The following CDC73 variants were observed in gnomAD, a reference collection of about 807,000 sequenced individuals.
CDC73 encodes the protein parafibromin.
A neutral mutation model predicts 83.7 loss-of-function variants in CDC73; 21 were observed. That is an observed-to-expected ratio of 0.25 (90% confidence interval 0.18 to 0.36). The LOEUF (loss-of-function observed/expected upper bound fraction) is 0.36, where lower values mean the gene tolerates loss of function less well. Ranked by LOEUF, CDC73 falls within the 10% of genes least tolerant of loss-of-function variation. CDC73 has a pLI of 1.00. For synonymous variants in CDC73, 224 were observed against 212.9 expected, an observed-to-expected ratio of 1.05 and a Z score of -0.45; for missense variants, 342 against 653.3, an observed-to-expected ratio of 0.52 and a Z score of 5.19.
At chr1:193,238,102 T>G (rs959994182) in intron 15 of CDC73, among the ~76,000 whole-genome samples, 4 of 152,202 alleles carry the variant, frequency 2.6e-5, no homozygotes, top group Admixed American at 6.5e-5. Context: ...AAGTTTTAAT[T>G]TTTGTTCAAA....
At chr1:193,152,819 G>A (rs945149237) in intron 10 of CDC73, among the ~76,000 whole-genome samples, 11 of 151,698 alleles carry the variant, frequency 7.3e-5, no homozygotes, top group East Asian at 3.9e-4. Flanking sequence ...TCGCTCTGTC[G>A]CCCAGGCTGG....
Position 193,253,190 on chromosome 1 carries a change from G to A in CDC73, c.*2478G>A. On this transcript the variant is annotated 3_prime_UTR_variant, in exon 17 of 17. Transcript: ENST00000367435. The stretch of plus-strand genomic sequence containing the variant: ...CCCTGACTGCATTTTAGAATCATTT[G>A]GAGAGTTTTTAAAAATATCCATGCC... The A allele has an allele frequency of 4.3e-6, 1 of 232,308 alleles. No homozygotes were observed. Among genetic ancestry groups the A allele is most frequent in the Non-Finnish European group, 8.5e-6 (1 of 117,458 alleles). The allele number at this position is 232,308 out of a possible 1,614,324, so 14.4% of individuals were successfully genotyped here.
chr1:193,246,591 CA>C (rs888650349), intron 15 of CDC73, among the ~76,000 whole-genome samples: 30 of 151,964 alleles, frequency 2.0e-4, no homozygotes, highest in South Asian at 8.3e-4. Context: ...TAGTAGCTAT[CA>C]AAAAAACCAC....
At position 193,250,697 on chromosome 1, in the gene CDC73, G is replaced by A. The variant is rs141013612; in HGVS notation, c.1581G>A (p.Ser527=). The A allele has an allele frequency of 2.2e-5, 35 of 1,608,120 alleles. No homozygotes were observed. Among genetic ancestry groups the A allele is most frequent in the South Asian group, 6.6e-5 (6 of 90,852 alleles). The change falls in exon 17 of 17, where the codon TCG becomes TCA. Residue 527 remains serine, a synonymous_variant. Coordinates refer to ENST00000367435, the MANE Select transcript of CDC73 (RefSeq NM_024529.5). The part of the protein sequence containing the change: ...TLDRYMVKHK[S]HLRF ...TCAGGTACATGGTAAAGCATAAATC[G>A]CACTTGAGATTCTGAATTATTTGGC...
At chr1:193,204,279 A>G (rs4466635) in intron 11 of CDC73, among the ~76,000 whole-genome samples, 5,020 of 27,716 alleles carry the variant, frequency 0.18, 223 homozygotes, top group African/African-American at 0.31. Context: ...GTGTGTGTGT[A>G]TATATATATT....
At chr1:193,234,175 T>TCTCTCTCTCACA (rs1241998258) in intron 14 of CDC73, among the ~76,000 whole-genome samples, 1 of 101,408 alleles carries the variant, frequency 9.9e-6, no homozygotes, top group Admixed American at 1.3e-4. Context: ...TCTCTCTCTC[T>TCTCTCTCTCACA]CACACACACA....
chr1:193,123,540 T>A (rs1244968411), intron 1 of CDC73, among the ~76,000 whole-genome samples: 1 of 152,250 alleles, frequency 6.6e-6, no homozygotes, highest in East Asian at 1.9e-4. Flanking sequence ...TGGTTGGTTT[T>A]AAAATTTTTT....
chr1:193,211,797 C>T (rs1677284187), intron 11 of CDC73, among the ~76,000 whole-genome samples: 1 of 152,170 alleles, frequency 6.6e-6, no homozygotes, highest in Non-Finnish European at 1.5e-5. Context: ...TATTTTCAGA[C>T]CACAGTGGAC....
In CDC73 at chr1:193,253,315, A is replaced by G. The variant is rs561336515; in HGVS notation, c.*2603A>G. 83 of 232,526 alleles carry G rather than the reference A, an allele frequency of 3.6e-4. No homozygotes were observed. The Middle Eastern group carries it at 5.1e-3, about 14-fold the overall frequency. The allele number at this position is 232,526 out of a possible 1,614,324, so 14.4% of individuals were successfully genotyped here. A position where few individuals can be genotyped will look rare whatever the true frequency, so the allele number is the denominator to read the frequency against. ...TAATTTGAATGTGCAGGAAGGATTC[A>G]GAATCACTGGTTTAATTTGTTATTG... On this transcript the variant is annotated 3_prime_UTR_variant, in exon 17 of 17. Transcript: ENST00000367435.
intron 15 of CDC73, 88 bp downstream of exon 15, chr1:193,236,444 A>G: frequency 2.3e-6 from 2 of 855,232 alleles, no homozygotes; most frequent in Non-Finnish European, 4.0e-6. Flanking sequence ...TGCGCATATG[A>G]TGTGTATGTC....
In CDC73 at chr1:193,136,254, G is replaced by C. The variant is rs548890925; in HGVS notation, c.423+665G>C. Among the ~76,000 whole-genome samples the C allele has an allele frequency of 9.9e-5, 15 of 152,278 alleles. No homozygotes were observed. In the East Asian group the frequency reaches 2.5e-3, roughly 25 times the overall value. On this transcript the variant is annotated intron_variant, in intron 5 of 16. Transcript: ENST00000367435. The stretch of plus-strand genomic sequence containing the variant: ...TTTCTATAAAAAACTTCAGAAAACA[G>C]ATGGCGGGCCAGAATTGGTCTTTGG...
chr1:193,190,858 G>A (rs1458477282), intron 10 of CDC73, among the ~76,000 whole-genome samples: 1 of 152,174 alleles, frequency 6.6e-6, no homozygotes, highest in Non-Finnish European at 1.5e-5. Flanking sequence ...GGTAGGGGTA[G>A]TACTGATTTC....
chr1:193,198,428 T>G (rs909362159), intron 10 of CDC73, among the ~76,000 whole-genome samples: 2 of 152,190 alleles, frequency 1.3e-5, no homozygotes, highest in Non-Finnish European at 2.9e-5. Flanking sequence ...CCTTCCACCT[T>G]CCACCATGTG....
At chr1:193,171,334 G>A (rs191423317) in intron 10 of CDC73, among the ~76,000 whole-genome samples, 1 of 152,272 alleles carries the variant, frequency 6.6e-6, no homozygotes, top group African/African-American at 2.4e-5. Flanking sequence ...CAGGTATATC[G>A]TGGCTTAGGG....
At chr1:193,202,848 A>C (rs566209689) in intron 10 of CDC73, among the ~76,000 whole-genome samples, 6 of 152,096 alleles carry the variant, frequency 3.9e-5, no homozygotes, top group South Asian at 4.1e-4. Flanking sequence ...TACCATCTCA[A>C]ATTTTGAAGA....
intron 11 of CDC73, among the ~76,000 whole-genome samples, chr1:193,208,054 C>T (rs541974092): frequency 1.3e-5 from 2 of 152,274 alleles, no homozygotes; most frequent in South Asian, 4.1e-4. Flanking sequence ...TGCTATTTTC[C>T]CCAAGGTCTC....
chr1:193,130,635 T>C (rs1212457463), intron 3 of CDC73, among the ~76,000 whole-genome samples: 4 of 152,262 alleles, frequency 2.6e-5, no homozygotes, highest in Non-Finnish European at 5.9e-5. Context: ...TCCCTGATAC[T>C]GTAAAATATT....
chr1:193,152,025 C>T (rs536764207), intron 9 of CDC73, among the ~76,000 whole-genome samples: 33 of 152,026 alleles, frequency 2.2e-4, no homozygotes, highest in Admixed American at 6.6e-4. Context: ...AACTTTGGGT[C>T]TTTTCATGGT....
intron 10 of CDC73, among the ~76,000 whole-genome samples, chr1:193,172,707 C>T (rs765865823): frequency 1.6e-4 from 24 of 152,162 alleles, no homozygotes; most frequent in Non-Finnish European, 2.5e-4. Flanking sequence ...CCTGGCACTG[C>T]ATCCTTTTTC....
Sources: gnomAD v4.1 joint callset for allele counts (sites outside exome capture counted in the v4.1 genomes callset) on GRCh38, gnomAD v4.1.1 for gene constraint, MANE v1.5 for transcripts, NCBI Gene and HGNC (gene_info 2026-07-23, HGNC 2026-07-21) for gene names.